The following ARID5B variants were observed in gnomAD, a reference collection of about 807,000 sequenced individuals.
ARID5B encodes the protein AT-rich interactive domain-containing protein 5B.
Under a neutral mutation model 97.2 loss-of-function variants are expected in ARID5B, and 13 were observed. That is an observed-to-expected ratio of 0.13 (90% CI 0.09 to 0.21). ARID5B has a LOEUF of 0.21. Ranked by LOEUF, ARID5B falls within the 10% of genes least tolerant of loss-of-function variation. ARID5B has a pLI of 1.00. For synonymous variants in ARID5B, 556 were observed against 570.3 expected, an observed-to-expected ratio of 0.97 and a Z score of 0.36; for missense variants, 1,210 against 1,465.3, an observed-to-expected ratio of 0.83 and a Z score of 2.84.
chr10:61,923,403 C>G (rs1026754845), intron 2 of ARID5B, among the ~76,000 whole-genome samples: 1 of 152,198 alleles, frequency 6.6e-6, no homozygotes, highest in African/African-American at 2.4e-5. Flanking sequence ...TACTATCTGG[C>G]TCTTCTACCC....
chr10:62,017,914 G>A (rs1337384838), intron 4 of ARID5B, among the ~76,000 whole-genome samples: 1 of 152,204 alleles, frequency 6.6e-6, no homozygotes, highest in Non-Finnish European at 1.5e-5. Flanking sequence ...AGTAAGGTTT[G>A]TGTGTAGAGG....
At chr10:62,028,441 G>A (rs1240704094) in intron 4 of ARID5B, among the ~76,000 whole-genome samples, 2 of 152,142 alleles carry the variant, frequency 1.3e-5, no homozygotes, top group African/African-American at 4.8e-5. Context: ...TTCCCCTGTA[G>A]GGTATTGAGG....
At chr10:62,083,137 C>T (rs1456431334) in intron 8 of ARID5B, among the ~76,000 whole-genome samples, 1 of 152,046 alleles carries the variant, frequency 6.6e-6, no homozygotes, top group Non-Finnish European at 1.5e-5. Context: ...TGTTTGGATT[C>T]AGTTTTACCT....
chr10:61,976,865 T>C (rs1238025432), intron 3 of ARID5B, among the ~76,000 whole-genome samples: 2 of 152,090 alleles, frequency 1.3e-5, no homozygotes, highest in South Asian at 2.1e-4. Flanking sequence ...TTTCTTTTTT[T>C]TTTTTTTATT....
rs368470275 is a variant in ARID5B at position 61,979,783 on chromosome 10, A to T, written c.503-20308A>T. ...TTTAAAACGAGAAGAAAACACGATG[A>T]CCTCTTCAGTCGAAAAATATGTTTT... On this transcript the variant is annotated intron_variant, in intron 3 of 9. Coordinates refer to ENST00000279873, the MANE Select transcript of ARID5B (RefSeq NM_032199.3). 2.0e-4 allele frequency among the ~76,000 whole-genome samples: 30 copies of T among 152,214 alleles called. 1 individual carries two copies. In the South Asian group the frequency reaches 5.6e-3, roughly 28 times the overall value.
chr10:62,050,368 T>C (rs1359390075), intron 4 of ARID5B, among the ~76,000 whole-genome samples: 1 of 152,206 alleles, frequency 6.6e-6, no homozygotes, highest in Admixed American at 6.5e-5. Flanking sequence ...TGAATGCCCC[T>C]CTCTCTATAG....
chr10:62,077,610 C>T (rs1408906676), intron 8 of ARID5B, among the ~76,000 whole-genome samples: 2 of 152,154 alleles, frequency 1.3e-5, no homozygotes, highest in African/African-American at 4.8e-5. Flanking sequence ...CCTACTTCCT[C>T]TGTCCCATCC....
intron 7 of ARID5B, among the ~76,000 whole-genome samples, chr10:62,068,434 A>G (rs1283620467): frequency 6.6e-6 from 1 of 152,186 alleles, no homozygotes; most frequent in Non-Finnish European, 1.5e-5. Context: ...TCTATTTGAA[A>G]TAGAAAAGGT....
intron 5 of ARID5B, among the ~76,000 whole-genome samples, chr10:62,056,914 G>A (rs12766514): frequency 0.045 from 6,910 of 152,222 alleles, 199 homozygotes; most frequent in Middle Eastern, 0.082. Context: ...TTACGATGTG[G>A]CCCTTTACAG....
At chr10:62,086,131 A>G (rs1236089480) in intron 9 of ARID5B, among the ~76,000 whole-genome samples, 1 of 152,224 alleles carries the variant, frequency 6.6e-6, no homozygotes, top group Non-Finnish European at 1.5e-5. Context: ...GCCCAGGAAT[A>G]GAATCTAGAA....
At chr10:62,086,843 A>G (rs928061678) in intron 9 of ARID5B, among the ~76,000 whole-genome samples, 9 of 150,798 alleles carry the variant, frequency 6.0e-5, no homozygotes, top group Non-Finnish European at 1.3e-4. Flanking sequence ...CCTGGGTGAC[A>G]GAGTGAAGCC....
chr10:61,931,364 G>T (rs1395693236), intron 2 of ARID5B, among the ~76,000 whole-genome samples: 1 of 152,260 alleles, frequency 6.6e-6, no homozygotes, highest in African/African-American at 2.4e-5. Context: ...AGTGAAAACA[G>T]ATCATATTTC....
intron 3 of ARID5B, among the ~76,000 whole-genome samples, chr10:61,997,313 C>G (rs779969829): frequency 4.0e-5 from 6 of 151,408 alleles, no homozygotes; most frequent in Non-Finnish European, 8.8e-5. Context: ...CAGAAGATTG[C>G]CAGGGAGCCG....
At chr10:61,929,339 T>A (rs1026083588) in intron 2 of ARID5B, among the ~76,000 whole-genome samples, 2 of 152,158 alleles carry the variant, frequency 1.3e-5, no homozygotes, top group Non-Finnish European at 2.9e-5. Flanking sequence ...TCTTGTTCCA[T>A]CCCCTCCCTG....
rs755650761 is a variant in ARID5B, at chr10:62,085,694, C to A, written c.1200-8C>A. 1.9e-6 allele frequency: 3 copies of A among 1,597,272 alleles called. No individual in the cohort carries two copies. In the East Asian group the frequency reaches 6.7e-5, roughly 36 times the overall value. ...ACTGACCGATCATCTCTTCTGTTAA[C>A]CTTTTAGATTAATCCTACCATATGA... On this transcript the variant is annotated splice_region_variant and splice_polypyrimidine_tract_variant and intron_variant, in intron 8 of 9. Coordinates refer to ENST00000279873, the MANE Select transcript of ARID5B (RefSeq NM_032199.3).
intron 3 of ARID5B, among the ~76,000 whole-genome samples, chr10:61,957,744 T>C (rs1278490655): frequency 6.6e-6 from 1 of 152,236 alleles, no homozygotes; most frequent in South Asian, 2.1e-4. Context: ...ATAAAATATA[T>C]TATTGTAATT....
rs776967791 is a variant in ARID5B, at chr10:62,089,977, GT to G, written c.1399-883del. Among the ~76,000 whole-genome samples, 12 of 152,328 alleles carry G rather than the reference GT, an allele frequency of 7.9e-5. No homozygotes were observed. The East Asian group carries it at 1.9e-3, about 24-fold the overall frequency. On this transcript the variant is annotated intron_variant, in intron 9 of 9. Coordinates refer to ENST00000279873, the MANE Select transcript of ARID5B (RefSeq NM_032199.3). ...CAGTCAGCTGGGTCATAGATGGAAA[GT>G]TAAAATGACCTCCTAAGGTCAAAGT...
chr10:62,092,406 G>A lies in ARID5B; in HGVS notation c.2943G>A (p.Val981=). ...CAAGATCAGGAAAACCTCACCATGTGAGACTGGAGAATTTCAGGAAGATGG... is the reference window on the plus strand; with the variant it reads ...CAAGATCAGGAAAACCTCACCATGTAAGACTGGAGAATTTCAGGAAGATGG... The part of the protein sequence containing the change: ...SLSRSGKPHH[V]RLENFRKMEG... The change falls in exon 10 of 10, where the codon GTG becomes GTA. Residue 981 remains valine, a synonymous_variant. Coordinates refer to ENST00000279873, the MANE Select transcript of ARID5B (RefSeq NM_032199.3). 6.2e-7 allele frequency: 1 copy of A among 1,614,210 alleles called. No homozygotes were observed. The highest frequency in any genetic ancestry group is 8.5e-7 in the Non-Finnish European group (1 of 1,180,030).
intron 3 of ARID5B, among the ~76,000 whole-genome samples, chr10:61,940,967 T>A (rs59863960): frequency 0.012 from 256 of 21,388 alleles, no homozygotes; most frequent in South Asian, 0.019. Context: ...ATATATATAT[T>A]TTTTTTTTTT....
Sources: gnomAD v4.1 joint callset for allele counts (sites outside exome capture counted in the v4.1 genomes callset) on GRCh38, gnomAD v4.1.1 for gene constraint, MANE v1.5 for transcripts, NCBI Gene and HGNC (gene_info 2026-07-23, HGNC 2026-07-21) for gene names.